Variants in STMN2 observed in about 807,000 individuals in gnomAD.
STMN2 encodes the protein stathmin 2.
Under a neutral mutation model 24.1 loss-of-function variants are expected in STMN2, and 2 were observed. That is an observed-to-expected ratio of 0.08 (90% confidence interval 0.03 to 0.26). STMN2 has a LOEUF of 0.26. STMN2 is among the 10% of genes least tolerant of loss of function. STMN2 has a pLI of 1.00. For missense variants in STMN2, 114 were observed against 213.6 expected, an observed-to-expected ratio of 0.53 and a Z score of 2.91; for synonymous variants, 83 against 77.5, an observed-to-expected ratio of 1.07 and a Z score of -0.37.
intron 4 of STMN2, among the ~76,000 whole-genome samples, chr8:79,656,282 C>T (rs759025717): frequency 1.1e-4 from 16 of 152,122 alleles, no homozygotes; most frequent in Non-Finnish European, 1.2e-4. Context: ...CTCAGAGGTC[C>T]GTGGACGAGT....
At chr8:79,611,707 G>T in intron 1 of STMN2, 1 of 960,582 alleles carries the variant, frequency 1.0e-6, no homozygotes, top group Non-Finnish European at 1.2e-6. Flanking sequence ...GGTGGAGACG[G>T]GGGGAGGGGA....
chr8:79,632,281 A>G (rs1809820959), intron 1 of STMN2, among the ~76,000 whole-genome samples: 1 of 152,218 alleles, frequency 6.6e-6, no homozygotes, highest in Non-Finnish European at 1.5e-5. Flanking sequence ...AAACTGTGCA[A>G]ATCGAATTGC....
At chr8:79,662,028 T>G (rs1405417799) in intron 4 of STMN2, among the ~76,000 whole-genome samples, 2 of 152,114 alleles carry the variant, frequency 1.3e-5, no homozygotes, top group Non-Finnish European at 2.9e-5. Context: ...TGTTTATATT[T>G]GATACCTAGT....
chr8:79,612,866 G>A (rs1360347440), intron 1 of STMN2, among the ~76,000 whole-genome samples: 1 of 152,100 alleles, frequency 6.6e-6, no homozygotes, highest in African/African-American at 2.4e-5. Context: ...GCTGTATGCA[G>A]TCCTGGAACC....
At chr8:79,620,170 T>C (rs1809477640) in intron 1 of STMN2, among the ~76,000 whole-genome samples, 1 of 148,164 alleles carries the variant, frequency 6.7e-6, no homozygotes. Flanking sequence ...ATATATTATA[T>C]ATATATTATA....
intron 3 of STMN2, among the ~76,000 whole-genome samples, chr8:79,648,708 C>T (rs747652427): frequency 3.9e-5 from 6 of 152,022 alleles, no homozygotes; most frequent in Non-Finnish European, 8.8e-5. Flanking sequence ...GGTGATCCAC[C>T]CACCTCAGCC....
chr8:79,624,225 C>A (rs1023375392), intron 1 of STMN2, among the ~76,000 whole-genome samples: 2 of 151,834 alleles, frequency 1.3e-5, no homozygotes, highest in African/African-American at 4.8e-5. Flanking sequence ...GTGGCCGAGG[C>A]GGGCGGATCA....
At chr8:79,642,148 G>A (rs1357513292) in intron 3 of STMN2, among the ~76,000 whole-genome samples, 2 of 152,152 alleles carry the variant, frequency 1.3e-5, no homozygotes, top group Non-Finnish European at 2.9e-5. Flanking sequence ...CCTTCTCTGA[G>A]TTCTTTGAAT....
At chr8:79,640,122 C>T (rs546709846) in intron 2 of STMN2, among the ~76,000 whole-genome samples, 120 of 152,270 alleles carry the variant, frequency 7.9e-4, no homozygotes, top group African/African-American at 2.7e-3. Context: ...ATTGCTTGAA[C>T]CTGGGAGGCG....
At position 79,665,273 on chromosome 8, in the gene STMN2, A is replaced by G. The variant is rs1172927279; in HGVS notation, c.*399A>G. On this transcript the variant is annotated 3_prime_UTR_variant, in exon 5 of 5. Transcript: ENST00000220876. ...ATTCCAAAAGAAAAATGAGGTCAGTAGACAGTCTATGGTGCTAGAAACCCA... is the reference window on the plus strand; with the variant it reads ...ATTCCAAAAGAAAAATGAGGTCAGTGGACAGTCTATGGTGCTAGAAACCCA... 1 of 165,836 alleles carries G rather than the reference A, an allele frequency of 6.0e-6. No individual in the cohort carries two copies. Among genetic ancestry groups the G allele is most frequent in the Non-Finnish European group, 1.3e-5 (1 of 77,238 alleles). The allele number at this position is 165,836 out of a possible 1,614,324, so 10.3% of individuals were successfully genotyped here.
At chr8:79,651,887 G>A (rs1810341230) in intron 3 of STMN2, among the ~76,000 whole-genome samples, 2 of 152,176 alleles carry the variant, frequency 1.3e-5, no homozygotes, top group South Asian at 4.1e-4. Flanking sequence ...TGTGCCACAG[G>A]AGCTTCTGTA....
chr8:79,631,632 AACCGATATAGT>A (rs1809803583), intron 1 of STMN2, among the ~76,000 whole-genome samples: 1 of 152,200 alleles, frequency 6.6e-6, no homozygotes, highest in African/African-American at 2.4e-5. Flanking sequence ...TCCAAATTTG[AACCGATATAGT>A]ATGTAAGAAG....
In STMN2 at chr8:79,611,178, C is replaced by T; in HGVS notation, c.-18C>T. The T allele has an allele frequency of 4.3e-6, 7 of 1,614,054 alleles. 1 individual carries two copies. Among genetic ancestry groups the T allele is most frequent in the African/African-American group, 2.7e-5 (2 of 75,066 alleles). The stretch of plus-strand genomic sequence containing the variant: ...ACCCTTTGCCTTCGCCACTGCTCAG[C>T]GTCTGCACATCCCTACAATGGCTAA... On this transcript the variant is annotated 5_prime_UTR_variant, in exon 1 of 5. Coordinates refer to ENST00000220876, the MANE Select transcript of STMN2 (RefSeq NM_007029.4).
chr8:79,628,869 A>G (rs1809730535), intron 1 of STMN2, among the ~76,000 whole-genome samples: 1 of 152,218 alleles, frequency 6.6e-6, no homozygotes, highest in African/African-American at 2.4e-5. Context: ...CAAAACTGGA[A>G]TGCAAAGGCT....
At chr8:79,639,277 G>A (rs1398217548) in intron 2 of STMN2, among the ~76,000 whole-genome samples, 1 of 152,170 alleles carries the variant, frequency 6.6e-6, no homozygotes, top group Non-Finnish European at 1.5e-5. Flanking sequence ...TGTCATTCTG[G>A]GGCACTTGAA....
chr8:79,636,877 TCAA>T lies in STMN2; in HGVS notation c.98_100del (p.Asn33del). 1.2e-6 allele frequency: 2 copies of T among 1,613,794 alleles called. No homozygotes were observed. The highest frequency in any genetic ancestry group is 2.2e-5 in the South Asian group (2 of 91,084). ...TGCTTTTACCCGGAACCTCGCAACA[TCAA>T]CATCTATACTTACGATGGTGAGTAA... On this transcript the variant is annotated inframe_deletion, in exon 2 of 5. Coordinates refer to ENST00000220876, the MANE Select transcript of STMN2 (RefSeq NM_007029.4).
At chr8:79,660,825 C>G (rs1249832527) in intron 4 of STMN2, among the ~76,000 whole-genome samples, 1 of 151,962 alleles carries the variant, frequency 6.6e-6, no homozygotes, top group African/African-American at 2.4e-5. Context: ...CCCCACAAGT[C>G]TCTAAAGTCC....
At chr8:79,652,613 T>G (rs1344532611) in intron 3 of STMN2, among the ~76,000 whole-genome samples, 1 of 152,004 alleles carries the variant, frequency 6.6e-6, no homozygotes, top group Non-Finnish European at 1.5e-5. Flanking sequence ...GTTGCCATCA[T>G]CTCCTTGTCA....
chr8:79,649,854 A>G (rs1391176538), intron 3 of STMN2, among the ~76,000 whole-genome samples: 1 of 152,228 alleles, frequency 6.6e-6, no homozygotes, highest in Non-Finnish European at 1.5e-5. Flanking sequence ...ACTCAGTAAT[A>G]TACAAATTGG....
Sources: allele counts gnomAD v4.1 joint callset (sites outside exome capture counted in the v4.1 genomes callset), GRCh38; gene constraint gnomAD v4.1.1; transcripts MANE v1.5; gene names NCBI Gene and HGNC (gene_info 2026-07-23, HGNC 2026-07-21).